The following PAX2 variants were observed in gnomAD, a reference collection of about 807,000 sequenced individuals.
The protein encoded by PAX2 is paired box protein Pax-2.
In PAX2, 9 loss-of-function variants were observed where a neutral mutation model predicts 41.7. That is an observed-to-expected ratio of 0.22 (90% confidence interval 0.13 to 0.38). The LOEUF is 0.38. Ranked by LOEUF, PAX2 falls within the 10% of genes least tolerant of loss-of-function variation. The probability of loss-of-function intolerance (pLI) is 1.00; values close to 1 mark genes in which losing one functional copy is unlikely to be tolerated. For missense variants in PAX2, 418 were observed against 531.6 expected (o/e 0.79, Z 2.10); for synonymous variants, 221 against 212.7 (o/e 1.04, Z -0.34).
At chr10:100,754,088 A>T (rs965264263) in intron 3 of PAX2, among the ~76,000 whole-genome samples, 1 of 152,200 alleles carries the variant, frequency 6.6e-6, no homozygotes, top group Non-Finnish European at 1.5e-5. Flanking sequence ...GGGACTTTAG[A>T]TTGAAACCTG....
At chr10:100,769,626 GAATAA>G (rs60896393) in intron 3 of PAX2, among the ~76,000 whole-genome samples, 17,369 of 126,812 alleles carry the variant, frequency 0.14, 1,683 homozygotes, top group East Asian at 0.52. Context: ...ATCTCAAAAA[GAATAA>G]AATAAAATAA....
At chr10:100,820,721 G>A (rs548106117) in intron 7 of PAX2, among the ~76,000 whole-genome samples, 7 of 152,122 alleles carry the variant, frequency 4.6e-5, no homozygotes, top group African/African-American at 1.4e-4. Context: ...CTCAAAAAAC[G>A]AAAAACAAAA....
intron 8 of PAX2, among the ~76,000 whole-genome samples, chr10:100,825,979 T>G: frequency 2.8e-5 from 4 of 141,508 alleles, no homozygotes; most frequent in Non-Finnish European, 4.6e-5. Context: ...GGGCAGGGAG[T>G]CTGCAGGGAG....
chr10:100,808,466 G>T (rs1372610038), intron 6 of PAX2, among the ~76,000 whole-genome samples: 1 of 152,110 alleles, frequency 6.6e-6, no homozygotes, highest in Non-Finnish European at 1.5e-5. Flanking sequence ...CCAGCTCTGG[G>T]GTCTGGCTTG....
chr10:100,761,319 C>T (rs760739611), intron 3 of PAX2, among the ~76,000 whole-genome samples: 8 of 152,090 alleles, frequency 5.3e-5, no homozygotes, highest in Non-Finnish European at 7.4e-5. Flanking sequence ...TGCTCACCTG[C>T]GCTCTCGACC....
chr10:100,813,311 G>T (rs191751776), intron 7 of PAX2, among the ~76,000 whole-genome samples: 26 of 152,368 alleles, frequency 1.7e-4, no homozygotes, highest in African/African-American at 6.3e-4. Context: ...TGAGATTGAT[G>T]TCTGGGACCC....
Position 100,748,895 on chromosome 10 carries a change from C to T in PAX2, c.44-851C>T. The T allele has an allele frequency of 1.0e-6, 1 of 985,392 alleles. No individual in the cohort carries two copies. The highest frequency in any genetic ancestry group is 1.2e-6 in the Non-Finnish European group (1 of 829,920). 61.0% of individuals were successfully genotyped at this position (985,392 alleles called of 1,614,324 possible). Reference sequence around the variant, plus strand: ...CGCCAGCGAGGCCTATGCCGTGCCACCTGGGCGAGACGGTGGGCCCCAACC... The same window carrying T: ...CGCCAGCGAGGCCTATGCCGTGCCATCTGGGCGAGACGGTGGGCCCCAACC... On this transcript the variant is annotated intron_variant, in intron 1 of 9. Coordinates refer to ENST00000355243, the MANE Select transcript of PAX2 (RefSeq NM_000278.5). The surrounding 1 kb of genome is among the most constrained non-coding windows in gnomAD (Gnocchi z 5.0).
intron 5 of PAX2, among the ~76,000 whole-genome samples, chr10:100,784,440 A>G (rs1011315632): frequency 6.6e-6 from 1 of 152,078 alleles, no homozygotes; most frequent in Admixed American, 6.5e-5. Flanking sequence ...ACCCTTAAAG[A>G]CCCTGCCAGA....
chr10:100,735,774 T>A, intron 1 of PAX2: 2 of 1,022,866 alleles, frequency 2.0e-6, no homozygotes, highest in Non-Finnish European at 2.4e-6. Context: ...AGGCGAGGAC[T>A]AGGGGAGAGG....
upstream of PAX2, among the ~76,000 whole-genome samples, chr10:100,743,663 G>A (rs148460934): frequency 1.3e-5 from 2 of 152,038 alleles, no homozygotes; most frequent in African/African-American, 4.8e-5. Flanking sequence ...TCTGGCCTGG[G>A]AGCTGTTACT....
At chr10:100,790,712 C>T (rs1416225454) in intron 5 of PAX2, among the ~76,000 whole-genome samples, 1 of 152,168 alleles carries the variant, frequency 6.6e-6, no homozygotes, top group African/African-American at 2.4e-5. Context: ...TGCCTGCCAG[C>T]GGAATGGTCC....
chr10:100,824,497 G>C lies in PAX2; in HGVS notation c.920-151G>C. ...ACATGCAAAGGCACACTCAGATGGC[G>C]CATTCAGGTGCACAGTGGCACACAT... is the stretch of plus-strand genomic sequence containing the variant. On this transcript the variant is annotated intron_variant, in intron 7 of 9. Coordinates refer to ENST00000355243, the MANE Select transcript of PAX2 (RefSeq NM_000278.5). The surrounding 1 kb of genome is among the most constrained non-coding windows in gnomAD (Gnocchi z 6.6). 1 of 710,824 alleles carries C rather than the reference G, an allele frequency of 1.4e-6. No homozygotes were observed. The highest frequency in any genetic ancestry group is 1.5e-5 in the South Asian group (1 of 64,618). The allele number at this position is 710,824 out of a possible 1,614,324, so 44.0% of individuals were successfully genotyped here.
At chr10:100,778,239 G>T (rs549010227) in intron 3 of PAX2, among the ~76,000 whole-genome samples, 155 of 152,282 alleles carry the variant, frequency 1.0e-3, no homozygotes, top group Non-Finnish European at 9.8e-4. Context: ...CATCCTCTGT[G>T]CCTCTGATTT....
chr10:100,806,419 G>T lies in PAX2; in HGVS notation c.617-11G>T. The T allele has an allele frequency of 1.9e-6, 3 of 1,614,148 alleles. No homozygotes were observed. Among genetic ancestry groups the T allele is most frequent in the Non-Finnish European group, 2.5e-6 (3 of 1,179,970 alleles). On this transcript the variant is annotated splice_polypyrimidine_tract_variant and intron_variant, in intron 5 of 9. Transcript: ENST00000355243. The stretch of plus-strand genomic sequence containing the variant: ...TGGCGCTAACGCCCCGAGTGTCCAT[G>T]TGTTCTCCAGATGTGTCTGAGGGCT...
intron 1 of PAX2, chr10:100,735,863 C>A: frequency 3.5e-6 from 2 of 565,206 alleles, no homozygotes; most frequent in Non-Finnish European, 4.6e-6. Flanking sequence ...GACGTGAAGG[C>A]TGGGGACTGA....
upstream of PAX2, among the ~76,000 whole-genome samples, chr10:100,744,948 T>G (rs1845095913): frequency 6.9e-6 from 1 of 144,940 alleles, no homozygotes; most frequent in Non-Finnish European, 1.5e-5. Context: ...AAGTGGGGGG[T>G]GCGTGGGTGG....
chr10:100,756,976 G>A (rs1845658704), intron 3 of PAX2, among the ~76,000 whole-genome samples: 1 of 152,248 alleles, frequency 6.6e-6, no homozygotes. Context: ...AATAGCAAGT[G>A]AAATATTAGA....
chr10:100,781,357 G>C lies in PAX2; in HGVS notation c.608G>C (p.Arg203Pro), dbSNP rs201089410. ...CGCTCCAATGGTGAGAAGAGGAAAC[G>C]TGATGAAGGTAGGGAGGAGGGAAGA... ...IPRSNGEKRK[R>P]DEDVSEGSVP... Residue 203 changes from arginine to proline, a missense_variant, in exon 5 of 10, where the codon CGT becomes CCT. Arg to Pro is a moderately radical substitution (Grantham distance 103). Coordinates refer to ENST00000355243, the MANE Select transcript of PAX2 (RefSeq NM_000278.5). The C allele has an allele frequency of 6.8e-6, 11 of 1,614,018 alleles. No homozygotes were observed. Among genetic ancestry groups the C allele is most frequent in the Non-Finnish European group, 9.3e-6 (11 of 1,179,980 alleles).
chr10:100,812,108 AAGGGTGGCTGCCGGAGGCT>A (rs1292361872), intron 7 of PAX2, among the ~76,000 whole-genome samples: 2 of 152,212 alleles, frequency 1.3e-5, no homozygotes, highest in African/African-American at 4.8e-5. Flanking sequence ...CATTGCAAGC[AAGGGTGGCTGCCGGAGGCT>A]AGGGCTCAGC....
Sources: gnomAD v4.1 joint callset for allele counts (sites outside exome capture counted in the v4.1 genomes callset) on GRCh38, gnomAD v4.1.1 for gene constraint, Gnocchi (gnomAD v3.1) non-coding constraint, MANE v1.5 for transcripts, NCBI Gene and HGNC (gene_info 2026-07-23, HGNC 2026-07-21) for gene names.